Variants in NRDE2 observed in about 807,000 individuals in gnomAD.
NRDE2 encodes NRDE-2, necessary for RNA interference, domain containing, also known as nuclear exosome regulator NRDE2.
NRDE2 carries 76 observed loss-of-function variants against 124.2 expected under a neutral mutation model. The ratio of observed to expected loss-of-function variants is 0.61; its 90% CI spans 0.51 to 0.74. The LOEUF is 0.74. Among genes scored for constraint, NRDE2 ranks in the 30% least tolerant of loss-of-function variants. The pLI, the probability that NRDE2 is intolerant of heterozygous loss-of-function variation, is 0.00. For synonymous variants in NRDE2, 489 were observed against 528.1 expected (o/e 0.93, Z 1.01); for missense variants, 1,314 against 1,417.3 (o/e 0.93, Z 1.17).
At chr14:90,331,817 T>G (rs1885715209) in intron 1 of NRDE2, 24 bp downstream of exon 1, 1 of 1,613,962 alleles carries the variant, frequency 6.2e-7, no homozygotes, top group Non-Finnish European at 8.5e-7. Context: ...CCAGGTGCCT[T>G]CTTCGGCTCG....
At chr14:90,291,891 C>T (rs1566687171) in intron 9 of NRDE2, among the ~76,000 whole-genome samples, 1 of 152,228 alleles carries the variant, frequency 6.6e-6, no homozygotes, top group Non-Finnish European at 1.5e-5. Flanking sequence ...AGGACAAATG[C>T]TGTTCTAGGC....
At chr14:90,317,688 G>T (rs892212731) in intron 2 of NRDE2, 1 of 196,746 alleles carries the variant, frequency 5.1e-6, no homozygotes, top group East Asian at 1.2e-4. Flanking sequence ...GGTTGAAAAT[G>T]TAACTAAAAA....
rs772582454 is a variant in NRDE2 at position 90,288,515 on chromosome 14, A to G, written c.2860T>C (p.Trp954Arg). Reference sequence around the variant, plus strand: ...GTGATGGCTTCGAGAACACTGGTCCAACTCTGGGAGCTGGCACTGTCCCCC... The same window carrying G: ...GTGATGGCTTCGAGAACACTGGTCCGACTCTGGGAGCTGGCACTGTCCCCC... ...GEGDSASSQS[W>R]TSVLEAITLM... Residue 954 changes from tryptophan (W) to arginine (R), a missense_variant, in exon 11 of 14, where the codon TGG (tryptophan) becomes CGG (arginine). Transcript: ENST00000354366. The G allele has an allele frequency of 3.7e-6, 6 of 1,614,060 alleles. No homozygotes were observed. The highest frequency in any genetic ancestry group is 3.3e-5 in the Admixed American group (2 of 60,008).
rs115280583 is a variant in NRDE2 at position 90,307,124 on chromosome 14, T to C, written c.558-2742A>G. 6.0e-3 allele frequency among the ~76,000 whole-genome samples: 915 copies of C among 152,348 alleles called. 3 individuals are homozygous for C. The highest frequency in any genetic ancestry group is 0.021 in the African/African-American group (860 of 41,582). On this transcript the variant is annotated intron_variant, in intron 4 of 13. Transcript: ENST00000354366. The stretch of plus-strand genomic sequence containing the variant: ...GACACTATATGTGTTTCAGTATGTA[T>C]ATATATGTGTGTGCACATACATCCT...
Position 90,288,788 on chromosome 14 carries a change from T to C in NRDE2, c.2587A>G (p.Thr863Ala), listed in dbSNP as rs779126055. 1.9e-6 allele frequency: 3 copies of C among 1,614,012 alleles called. No homozygotes were observed. The highest frequency in any genetic ancestry group is 2.7e-5 in the African/African-American group (2 of 74,934). Residue 863 changes from threonine (T) to alanine (A), a missense_variant, in exon 11 of 14, where the codon ACT (threonine) becomes GCT (alanine). Transcript: ENST00000354366. Reference sequence around the variant, plus strand: ...ATGTGAACAGCCAACACCTGTCCAGTGTAGGGCCCATAGGGGCTGCTCTCA... The same window carrying C: ...ATGTGAACAGCCAACACCTGTCCAGCGTAGGGCCCATAGGGGCTGCTCTCA... ...LTESSPYGPY[T>A]GQVLAVHILK...
Position 90,270,419 on chromosome 14 carries a change from T to C in NRDE2, c.*7917A>G, listed in dbSNP as rs1891631188. 6.6e-7 allele frequency: 1 copy of C among 1,519,432 alleles called. No individual in the cohort carries two copies. Among genetic ancestry groups the C allele is most frequent in the Admixed American group, 2.0e-5 (1 of 49,916 alleles). 94.1% of individuals were successfully genotyped at this position (1,519,432 alleles called of 1,614,324 possible). On this transcript the variant is annotated 3_prime_UTR_variant, in exon 14 of 14. Transcript: ENST00000354366. ...CGTCAATCAGGAAAGAGTCTATATGTGCTCTTGGGATGGTGGTTGGCCTGG... is the reference window on the plus strand; with the variant it reads ...CGTCAATCAGGAAAGAGTCTATATGCGCTCTTGGGATGGTGGTTGGCCTGG...
intron 1 of NRDE2, among the ~76,000 whole-genome samples, chr14:90,320,570 C>A (rs1294982975): frequency 6.6e-6 from 1 of 152,164 alleles, no homozygotes; most frequent in Non-Finnish European, 1.5e-5. Context: ...GAGGAGATAC[C>A]ATAATGTATG....
Position 90,267,912 on chromosome 14 carries a change from T to C in NRDE2, c.*10424A>G, listed in dbSNP as rs1365208168. 3.8e-6 allele frequency: 1 copy of C among 264,196 alleles called. No homozygotes were observed. The highest frequency in any genetic ancestry group is 7.2e-6 in the Non-Finnish European group (1 of 139,564). The allele number at this position is 264,196 out of a possible 1,614,324, so 16.4% of individuals were successfully genotyped here. On this transcript the variant is annotated 3_prime_UTR_variant, in exon 14 of 14. Coordinates refer to ENST00000354366, the MANE Select transcript of NRDE2 (RefSeq NM_017970.4). ...GGAATGAAGCAATTCTTCGTACAGG[T>C]AATTATAGTTCGCAGCTTTTCAGGG... is the stretch of plus-strand genomic sequence containing the variant.
At chr14:90,282,118 G>A (rs1212984984) in intron 12 of NRDE2, among the ~76,000 whole-genome samples, 3 of 152,168 alleles carry the variant, frequency 2.0e-5, no homozygotes, top group Admixed American at 2.0e-4. Flanking sequence ...TTATTGTGTA[G>A]GTAGATGACC....
chr14:90,318,841 A>C (rs1885143975), intron 1 of NRDE2, among the ~76,000 whole-genome samples: 1 of 152,158 alleles, frequency 6.6e-6, no homozygotes, highest in Non-Finnish European at 1.5e-5. Flanking sequence ...ATCATGCATA[A>C]AAGCCCACCA....
chr14:90,268,631 G>A lies in NRDE2; in HGVS notation c.*9705C>T. ...AGATTGGTCAGTTATGAATAACCAT[G>A]TCTTGAGCACCCGCCCTGATCCAGG... On this transcript the variant is annotated 3_prime_UTR_variant, in exon 14 of 14. Transcript: ENST00000354366. The A allele has an allele frequency of 2.0e-6, 1 of 511,128 alleles. No homozygotes were observed. The highest frequency in any genetic ancestry group is 3.4e-6 in the Non-Finnish European group (1 of 290,170). 31.7% of individuals were successfully genotyped at this position (511,128 alleles called of 1,614,324 possible).
chr14:90,291,935 C>A (rs1181903075), intron 9 of NRDE2, among the ~76,000 whole-genome samples: 6 of 152,270 alleles, frequency 3.9e-5, no homozygotes, highest in Non-Finnish European at 8.8e-5. Flanking sequence ...AAGGGATAAA[C>A]TCCTTGCCTT....
intron 4 of NRDE2, among the ~76,000 whole-genome samples, chr14:90,310,061 C>A (rs1486187621): frequency 1.3e-5 from 2 of 152,158 alleles, no homozygotes; most frequent in Non-Finnish European, 2.9e-5. Flanking sequence ...AATTCCATAT[C>A]AAATATTCTG....
intron 8 of NRDE2, among the ~76,000 whole-genome samples, chr14:90,293,253 C>CT (rs34457913): frequency 2.7e-5 from 4 of 148,664 alleles, no homozygotes; most frequent in African/African-American, 7.4e-5. Flanking sequence ...AACTGAATTC[C>CT]TTTTTTTTTT....
At chr14:90,328,142 CAA>C (rs71460301) in intron 1 of NRDE2, among the ~76,000 whole-genome samples, 218 of 137,076 alleles carry the variant, frequency 1.6e-3, no homozygotes, top group Middle Eastern at 3.6e-3. Flanking sequence ...TATTCTGTCT[CAA>C]AAAAAAAAAA....
chr14:90,268,442 GT>G lies in NRDE2; in HGVS notation c.*9893del. ...GACTTTCTCATACTTATTTTGCCTT[GT>G]TTAGTAGGGAACACCGCATAGCTCT... is the stretch of plus-strand genomic sequence containing the variant. On this transcript the variant is annotated 3_prime_UTR_variant, in exon 14 of 14. Coordinates refer to ENST00000354366, the MANE Select transcript of NRDE2 (RefSeq NM_017970.4). 2 of 1,606,512 alleles carry G rather than the reference GT, an allele frequency of 1.2e-6. No homozygotes were observed. The highest frequency in any genetic ancestry group is 2.2e-5 in the East Asian group (1 of 44,842).
At chr14:90,281,508 A>T (rs768150749) in intron 12 of NRDE2, 1 of 152,246 alleles carries the variant, frequency 6.6e-6, no homozygotes, top group Non-Finnish European at 1.5e-5. Context: ...AGTGGCAGGC[A>T]GCTGCCCATT....
rs1891641936 is a variant in NRDE2, at chr14:90,270,830, A to G, written c.*7506T>C. On this transcript the variant is annotated 3_prime_UTR_variant, in exon 14 of 14. Transcript: ENST00000354366. Reference sequence around the variant, plus strand: ...ATTTCCTCCCAGCTGACCAGAATTTACAGCAAGGTCTGGCAGCGTTGAATA... The same window carrying G: ...ATTTCCTCCCAGCTGACCAGAATTTGCAGCAAGGTCTGGCAGCGTTGAATA... The G allele has an allele frequency of 6.6e-6, 1 of 152,422 alleles. No homozygotes were observed. The highest frequency in any genetic ancestry group is 1.5e-5 in the Non-Finnish European group (1 of 68,188). The allele number at this position is 152,422 out of a possible 1,614,324, so 9.4% of individuals were successfully genotyped here.
chr14:90,287,033 C>CAAAAAAAAA (rs60863011), intron 11 of NRDE2, among the ~76,000 whole-genome samples: 28 of 23,826 alleles, frequency 1.2e-3, no homozygotes, highest in Non-Finnish European at 1.3e-3. Flanking sequence ...GACTCCGTCT[C>CAAAAAAAAA]AAAAAAAAAA....
Sources: allele counts gnomAD v4.1 joint callset (sites outside exome capture counted in the v4.1 genomes callset), GRCh38; gene constraint gnomAD v4.1.1; transcripts MANE v1.5; gene names NCBI Gene and HGNC (gene_info 2026-07-23, HGNC 2026-07-21).